WNT7A: variants seen among roughly 807,000 people sequenced by gnomAD.
WNT7A encodes the protein Wnt family member 7A.
A neutral mutation model predicts 28.2 loss-of-function variants in WNT7A; 16 were observed. That is an observed-to-expected ratio of 0.57 (90% CI 0.38 to 0.86). The LOEUF is 0.86. Among genes scored for constraint, WNT7A ranks in the 40% least tolerant of loss-of-function variants. WNT7A has a pLI of 0.00. For synonymous variants in WNT7A, 190 were observed against 195.9 expected (o/e 0.97, Z 0.25); for missense variants, 411 against 489.7 (o/e 0.84, Z 1.52).
chr3:13,820,967 AC>A (rs548705687), intron 3 of WNT7A, among the ~76,000 whole-genome samples: 1 of 151,524 alleles, frequency 6.6e-6, no homozygotes, highest in African/African-American at 2.4e-5. Flanking sequence ...GTCTCCCAGG[AC>A]CCCCCCACAC....
At position 13,868,918 on chromosome 3, in the gene WNT7A, G is replaced by A. The variant is rs185247662; in HGVS notation, c.298+6029C>T. ...AGGGAGGAAGGAAGGAAAGAAGGAA[G>A]GAAGGAAAGAAGGAAGGAAGGAAAA... On this transcript the variant is annotated intron_variant, in intron 2 of 3. Transcript: ENST00000285018. 4.1e-3 allele frequency among the ~76,000 whole-genome samples: 567 copies of A among 137,230 alleles called. 4 individuals carry two copies. The highest frequency in any genetic ancestry group is 0.015 in the African/African-American group (546 of 35,978). The allele number at this position is 137,230 out of a possible 152,430, so 90.0% of individuals were successfully genotyped here. A position where few individuals can be genotyped will look rare whatever the true frequency, so the allele number is the denominator to read the frequency against.
chr3:13,823,578 A>G (rs9840696), intron 3 of WNT7A, among the ~76,000 whole-genome samples: 107,359 of 152,190 alleles, frequency 0.71, 38,969 homozygotes, highest in East Asian at 0.89. Context: ...GGGGACAATC[A>G]AGGGGCTTGG....
chr3:13,865,739 C>T (rs1247512802), intron 2 of WNT7A, among the ~76,000 whole-genome samples: 1 of 152,186 alleles, frequency 6.6e-6, no homozygotes, highest in South Asian at 2.1e-4. Flanking sequence ...AGCTGGCCTG[C>T]CTGGGGGCCA....
At chr3:13,842,689 G>T (rs1295229978) in intron 3 of WNT7A, among the ~76,000 whole-genome samples, 1 of 152,224 alleles carries the variant, frequency 6.6e-6, no homozygotes, top group Non-Finnish European at 1.5e-5. Context: ...GAAGGATGCA[G>T]ATGCTATTTA....
chr3:13,820,260 T>C (rs1694086110), intron 3 of WNT7A, among the ~76,000 whole-genome samples: 1 of 152,240 alleles, frequency 6.6e-6, no homozygotes, highest in South Asian at 2.1e-4. Context: ...AAATTGCTTT[T>C]GCTTGTTATA....
intron 2 of WNT7A, among the ~76,000 whole-genome samples, chr3:13,857,634 TC>T (rs1267363655): frequency 6.6e-6 from 1 of 152,018 alleles, no homozygotes; most frequent in African/African-American, 2.4e-5. Flanking sequence ...GTCCAGTGAT[TC>T]CCCGAGAGCC....
intron 3 of WNT7A, among the ~76,000 whole-genome samples, chr3:13,823,038 G>T (rs565942265): frequency 1.1e-4 from 17 of 152,312 alleles, no homozygotes; most frequent in Middle Eastern, 3.4e-3. Flanking sequence ...TGCACACTCT[G>T]CATTTTGAGA....
At chr3:13,861,575 A>G (rs1465862824) in intron 2 of WNT7A, among the ~76,000 whole-genome samples, 1 of 152,104 alleles carries the variant, frequency 6.6e-6, no homozygotes, top group Non-Finnish European at 1.5e-5. Flanking sequence ...TGGTGCCTTG[A>G]GTGGGGAGGT....
Position 13,817,463 on chromosome 3 carries a change from CACACACA to C in WNT7A, c.*1474_*1480del, listed in dbSNP as rs1694024281. ...ACACACACACACACACACACACACA[CACACACA>C]CCGGAAATGCAAACGGACACATATT... On this transcript the variant is annotated 3_prime_UTR_variant, in exon 4 of 4. Transcript: ENST00000285018. 1 of 125,824 alleles carries C rather than the reference CACACACA, an allele frequency of 7.9e-6. No individual in the cohort carries two copies. Among genetic ancestry groups the C allele is most frequent in the Non-Finnish European group, 1.6e-5 (1 of 62,622 alleles). 7.8% of individuals were successfully genotyped at this position (125,824 alleles called of 1,614,324 possible). A position where few individuals can be genotyped will look rare whatever the true frequency, so the allele number is the denominator to read the frequency against.
chr3:13,870,713 T>C (rs1178411320), intron 2 of WNT7A, among the ~76,000 whole-genome samples: 1 of 152,234 alleles, frequency 6.6e-6, no homozygotes, highest in Non-Finnish European at 1.5e-5. Flanking sequence ...CAATGCTCTT[T>C]CTGGGGGTAC....
intron 3 of WNT7A, among the ~76,000 whole-genome samples, chr3:13,850,839 C>T (rs73817649): frequency 0.013 from 1,954 of 152,150 alleles, 33 homozygotes; most frequent in African/African-American, 0.044. Context: ...TGCACTCCTG[C>T]AGGGGGATGT....
chr3:13,847,085 C>T (rs1559300227), intron 3 of WNT7A, among the ~76,000 whole-genome samples: 3 of 152,236 alleles, frequency 2.0e-5, no homozygotes, highest in Admixed American at 6.5e-5. Flanking sequence ...GCATCACTGA[C>T]AGGACCTGGC....
chr3:13,868,671 AG>A (rs537903726), intron 2 of WNT7A, among the ~76,000 whole-genome samples: 94 of 4,310 alleles, frequency 0.022, 1 homozygote, highest in African/African-American at 0.078. Flanking sequence ...AGGGAGTGGG[AG>A]AGAGGGGGAG....
intron 3 of WNT7A, among the ~76,000 whole-genome samples, chr3:13,834,738 G>A (rs571702548): frequency 8.5e-5 from 13 of 152,180 alleles, no homozygotes; most frequent in African/African-American, 3.1e-4. Context: ...TTCCCTATGA[G>A]GCTCTCCCTG....
rs368507436 is a variant in WNT7A at position 13,819,283 on chromosome 3, G to T, written c.711C>A (p.His237Gln). Residue 237 changes from histidine to glutamine, a missense_variant, in exon 4 of 4, where the codon CAC becomes CAA. Coordinates refer to ENST00000285018, the MANE Select transcript of WNT7A (RefSeq NM_004625.4). ...VLKDKYNEAV[H>Q]VEPVRASRNK... Reference sequence around the variant, plus strand: ...TGCGGCTGGCACGCACAGGCTCCACGTGAACGGCCTCGTTGTACTTGTCCT... The same window carrying T: ...TGCGGCTGGCACGCACAGGCTCCACTTGAACGGCCTCGTTGTACTTGTCCT... 6 of 1,614,212 alleles carry T rather than the reference G, an allele frequency of 3.7e-6. No individual in the cohort carries two copies. In the South Asian group the frequency reaches 4.4e-5, roughly 12 times the overall value.
chr3:13,839,923 A>T (rs1395602884), intron 3 of WNT7A, among the ~76,000 whole-genome samples: 1 of 152,222 alleles, frequency 6.6e-6, no homozygotes, highest in East Asian at 1.9e-4. Context: ...GGAACCAGCA[A>T]GCAGGGGTGC....
chr3:13,874,857 C>T, intron 2 of WNT7A, 90 bp downstream of exon 2: 3 of 1,300,842 alleles, frequency 2.3e-6, no homozygotes, highest in Admixed American at 1.9e-5. Context: ...CTAGCAGGGG[C>T]AGGTGAGGGA....
intron 3 of WNT7A, among the ~76,000 whole-genome samples, chr3:13,826,166 T>C (rs918694268): frequency 1.3e-5 from 2 of 152,098 alleles, no homozygotes; most frequent in African/African-American, 2.4e-5. Context: ...CACAAGGAGG[T>C]GCTGCTCCGG....
intron 2 of WNT7A, among the ~76,000 whole-genome samples, chr3:13,870,385 C>A (rs748409720): frequency 6.6e-6 from 1 of 152,128 alleles, no homozygotes; most frequent in South Asian, 2.1e-4. Flanking sequence ...AAGAGAGAGG[C>A]CTCTGAGAAA....
Sources: allele counts gnomAD v4.1 joint callset (sites outside exome capture counted in the v4.1 genomes callset), GRCh38; gene constraint gnomAD v4.1.1; transcripts MANE v1.5; gene names NCBI Gene and HGNC (gene_info 2026-07-23, HGNC 2026-07-21).